Variants in ADAMTS9 observed in about 807,000 individuals in gnomAD.
ADAMTS9 encodes the protein A disintegrin and metalloproteinase with thrombospondin motifs 9.
ADAMTS9 carries 107 observed loss-of-function variants against 257.1 expected under a neutral mutation model. The ratio of observed to expected loss-of-function variants is 0.42; its 90% CI spans 0.36 to 0.49. The LOEUF (loss-of-function observed/expected upper bound fraction) is 0.49, where lower values mean the gene tolerates loss of function less well. ADAMTS9 is among the 20% of genes least tolerant of loss of function. The probability of loss-of-function intolerance (pLI) is 0.03; values close to 1 mark genes in which losing one functional copy is unlikely to be tolerated. For missense variants in ADAMTS9, 2,353 were observed against 2,469.1 expected, an observed-to-expected ratio of 0.95 and a Z score of 1.00; for synonymous variants, 982 against 880.9, an observed-to-expected ratio of 1.11 and a Z score of -2.03.
intron 3 of ADAMTS9, among the ~76,000 whole-genome samples, chr3:64,670,941 G>A (rs749444823): frequency 1.6e-4 from 24 of 152,220 alleles, no homozygotes; most frequent in Non-Finnish European, 2.8e-4. Context: ...CCTGCAGGTG[G>A]AGCTACAAAA....
In ADAMTS9 at chr3:64,631,932, A is replaced by G. The variant is rs1559801421; in HGVS notation, c.2176-7T>C. 6.3e-7 allele frequency: 1 copy of G among 1,593,630 alleles called. No homozygotes were observed. Among genetic ancestry groups the G allele is most frequent in the Non-Finnish European group, 8.6e-7 (1 of 1,162,390 alleles). ...CATGATCGCATCCAGCTTGCTTTTA[A>G]AAAGAAAAGATTTGAAATAAATGTA... On this transcript the variant is annotated splice_region_variant and splice_polypyrimidine_tract_variant and intron_variant, in intron 14 of 39. Transcript: ENST00000498707.
At chr3:64,568,172 A>G (rs957104516) in intron 29 of ADAMTS9, among the ~76,000 whole-genome samples, 196 bp downstream of exon 29, 7 of 152,064 alleles carry the variant, frequency 4.6e-5, no homozygotes, top group Non-Finnish European at 1.0e-4. Flanking sequence ...GGTATTATCC[A>G]AAGCTCCAGA....
intron 28 of ADAMTS9, among the ~76,000 whole-genome samples, chr3:64,581,690 T>C (rs2084004712): frequency 6.6e-6 from 1 of 152,240 alleles, no homozygotes; most frequent in Admixed American, 6.5e-5. Flanking sequence ...ACATAGCCAA[T>C]TGGTAATTTA....
chr3:64,642,118 C>T, intron 11 of ADAMTS9, 125 bp from the exon 12 acceptor site: 1 of 1,077,436 alleles, frequency 9.3e-7, no homozygotes, highest in East Asian at 2.4e-5. Flanking sequence ...GCTGCAGGTT[C>T]ATCATCTATA....
intron 28 of ADAMTS9, chr3:64,587,875 C>G (rs1306126080): frequency 6.6e-6 from 1 of 152,080 alleles, no homozygotes; most frequent in Admixed American, 6.6e-5. Flanking sequence ...TTAATTGGTA[C>G]CCATTAAATA....
At chr3:64,575,162 G>A (rs919152317) in intron 28 of ADAMTS9, among the ~76,000 whole-genome samples, 5 of 152,110 alleles carry the variant, frequency 3.3e-5, no homozygotes, top group South Asian at 2.1e-4. Flanking sequence ...CTCTTTACAC[G>A]GTCAAGAAGG....
At chr3:64,620,383 C>T (rs1345534315) in intron 19 of ADAMTS9, among the ~76,000 whole-genome samples, 1 of 151,958 alleles carries the variant, frequency 6.6e-6, no homozygotes, top group East Asian at 1.9e-4. Context: ...GAGACCTTAA[C>T]ACATTCCTAT....
chr3:64,554,799 G>A (rs2083310643), intron 30 of ADAMTS9, among the ~76,000 whole-genome samples: 1 of 152,140 alleles, frequency 6.6e-6, no homozygotes, highest in Admixed American at 6.6e-5. Flanking sequence ...AATTAACAGG[G>A]GGAAAAGAAC....
intron 26 of ADAMTS9, 82 bp from the exon 27 acceptor site, chr3:64,597,073 C>A: frequency 6.4e-7 from 1 of 1,553,732 alleles, no homozygotes; most frequent in Non-Finnish European, 8.7e-7. Flanking sequence ...AAGGTTAAGA[C>A]AAATGTGCTG....
intron 30 of ADAMTS9, among the ~76,000 whole-genome samples, chr3:64,554,395 G>C (rs2083305640): frequency 6.6e-6 from 1 of 152,190 alleles, no homozygotes; most frequent in Admixed American, 6.5e-5. Context: ...CACATGGCAA[G>C]GGTTTTCTCC....
intron 28 of ADAMTS9, among the ~76,000 whole-genome samples, chr3:64,574,578 G>GA (rs1455345111): frequency 1.8e-5 from 2 of 112,534 alleles, no homozygotes; most frequent in African/African-American, 8.6e-5. Flanking sequence ...AAAAAAAAAA[G>GA]AAAAATTAGC....
intron 39 of ADAMTS9, 69 bp downstream of exon 39, chr3:64,522,097 T>C: frequency 7.3e-7 from 1 of 1,363,892 alleles, no homozygotes; most frequent in Non-Finnish European, 1.0e-6. Context: ...TCCTCCCACA[T>C]TTGCTCATAT....
intron 9 of ADAMTS9, 33 bp downstream of exon 9, chr3:64,650,984 G>C (rs759684101): frequency 8.2e-6 from 13 of 1,577,246 alleles, no homozygotes; most frequent in Non-Finnish European, 1.1e-5. Flanking sequence ...CCAGGCACTA[G>C]AAGTTTGTGC....
chr3:64,667,570 C>A (rs993479355), intron 3 of ADAMTS9, among the ~76,000 whole-genome samples: 1 of 152,256 alleles, frequency 6.6e-6, no homozygotes, highest in African/African-American at 2.4e-5. Flanking sequence ...CCCCTCAATA[C>A]CTTCTAAGGG....
intron 19 of ADAMTS9, 70 bp from the exon 20 acceptor site, chr3:64,616,240 T>C: frequency 6.6e-7 from 1 of 1,517,460 alleles, no homozygotes; most frequent in Non-Finnish European, 9.1e-7. Flanking sequence ...AGTCAACTGG[T>C]ATTCATAGAA....
intron 28 of ADAMTS9, chr3:64,589,556 C>T (rs1431165641): frequency 9.9e-5 from 15 of 152,198 alleles, no homozygotes; most frequent in Admixed American, 9.8e-4. Context: ...GCTTGTTATA[C>T]AGTAAACACA....
At chr3:64,540,231 A>T (rs769328329) in intron 36 of ADAMTS9, among the ~76,000 whole-genome samples, 2 of 152,218 alleles carry the variant, frequency 1.3e-5, no homozygotes, top group African/African-American at 2.4e-5. Flanking sequence ...AGCTCAAGGA[A>T]ATTTAAAGTA....
intron 32 of ADAMTS9, among the ~76,000 whole-genome samples, chr3:64,545,357 C>T (rs2083183185): frequency 1.3e-5 from 2 of 152,288 alleles, no homozygotes; most frequent in Non-Finnish European, 2.9e-5. Context: ...TGGAACTAAC[C>T]CACATGTCCA....
intron 30 of ADAMTS9, among the ~76,000 whole-genome samples, chr3:64,552,326 A>G (rs191006768): frequency 1.4e-4 from 21 of 152,028 alleles, no homozygotes; most frequent in Admixed American, 1.0e-3. Flanking sequence ...ACCAAACCCC[A>G]CCCCTGAAGT....
Sources: gnomAD v4.1 joint callset for allele counts (sites outside exome capture counted in the v4.1 genomes callset) on GRCh38, gnomAD v4.1.1 for gene constraint, MANE v1.5 for transcripts, NCBI Gene and HGNC (gene_info 2026-07-23, HGNC 2026-07-21) for gene names.